ITPK1: variants seen among roughly 807,000 people sequenced by gnomAD.
ITPK1 encodes the protein inositol 1,3,4-trisphosphate 5/6-kinase.
In ITPK1, 21 loss-of-function variants were observed where a neutral mutation model predicts 45.3. That is an observed-to-expected ratio of 0.46 (90% CI 0.33 to 0.67). The LOEUF is 0.67. ITPK1 is among the 30% of genes least tolerant of loss of function. The pLI is 0.02. For missense variants in ITPK1, 474 were observed against 573.5 expected, an observed-to-expected ratio of 0.83 and a Z score of 1.77; for synonymous variants, 258 against 253.6, an observed-to-expected ratio of 1.02 and a Z score of -0.16.
chr14:92,989,261 C>T lies in ITPK1; in HGVS notation c.364+4619G>A, dbSNP rs566571968. ...AGAAGCATTCAATCTGCGGTATGCA[C>T]CCCCCATCCCCAGGGAGGCCTGGGA... On this transcript the variant is annotated intron_variant, in intron 5 of 10. Transcript: ENST00000267615. Among the ~76,000 whole-genome samples the T allele has an allele frequency of 4.8e-3, 735 of 152,232 alleles. 3 individuals carry two copies. Among genetic ancestry groups the T allele is most frequent in the Non-Finnish European group, 7.9e-3 (536 of 68,024 alleles).
intron 10 of ITPK1, 137 bp downstream of exon 10, chr14:92,946,194 C>T (rs1362957296): frequency 6.0e-6 from 6 of 992,476 alleles, no homozygotes; most frequent in African/African-American, 4.7e-5. Flanking sequence ...TGAGGCTTCT[C>T]GGGGCTGCAC....
chr14:92,953,575 A>G (rs1379446316), intron 8 of ITPK1, among the ~76,000 whole-genome samples: 1 of 152,216 alleles, frequency 6.6e-6, no homozygotes, highest in Non-Finnish European at 1.5e-5. Flanking sequence ...CCCTGAGCTC[A>G]GGGCACCTTC....
chr14:93,046,075 C>T (rs1171103863), intron 3 of ITPK1, among the ~76,000 whole-genome samples: 2 of 152,202 alleles, frequency 1.3e-5, no homozygotes, highest in Non-Finnish European at 2.9e-5. Flanking sequence ...ATCCCCACCC[C>T]ACGCTCTTTT....
intron 3 of ITPK1, among the ~76,000 whole-genome samples, chr14:93,049,535 C>T (rs951156541): frequency 3.9e-5 from 6 of 152,140 alleles, no homozygotes; most frequent in African/African-American, 1.4e-4. Context: ...CCTCATAAAC[C>T]ATTCTCCAGG....
intron 5 of ITPK1, among the ~76,000 whole-genome samples, chr14:92,986,610 C>T (rs1253902220): frequency 6.6e-6 from 1 of 152,116 alleles, no homozygotes; most frequent in Non-Finnish European, 1.5e-5. Context: ...TGGGGCAGGC[C>T]CACCTGGACC....
chr14:92,942,324 C>G (rs1240519411), intron 10 of ITPK1, among the ~76,000 whole-genome samples: 1 of 152,214 alleles, frequency 6.6e-6, no homozygotes, highest in East Asian at 1.9e-4. Flanking sequence ...ATAAATACTC[C>G]TGAGGCCCAG....
chr14:93,106,690 A>C (rs1039890275), intron 2 of ITPK1, among the ~76,000 whole-genome samples: 1 of 152,202 alleles, frequency 6.6e-6, no homozygotes, highest in Admixed American at 6.5e-5. Context: ...TTTCCAGTGC[A>C]TCTGAGAGCT....
chr14:93,008,605 G>A (rs566768947), intron 4 of ITPK1, among the ~76,000 whole-genome samples: 1 of 152,360 alleles, frequency 6.6e-6, no homozygotes, highest in African/African-American at 2.4e-5. Context: ...CCATCCCAGA[G>A]GGCCGAGGTC....
At chr14:93,092,270 G>C (rs1891895207) in intron 2 of ITPK1, among the ~76,000 whole-genome samples, 1 of 152,172 alleles carries the variant, frequency 6.6e-6, no homozygotes, top group African/African-American at 2.4e-5. Context: ...GCAAAATCGA[G>C]GCTCAGGGTC....
At chr14:92,990,905 A>G (rs375140611) in intron 5 of ITPK1, among the ~76,000 whole-genome samples, 7 of 152,016 alleles carry the variant, frequency 4.6e-5, no homozygotes, top group African/African-American at 1.7e-4. Flanking sequence ...CTGCTCATCA[A>G]TGAGGATCCT....
At chr14:92,994,363 C>T (rs375210718) in intron 4 of ITPK1, among the ~76,000 whole-genome samples, 1 of 152,062 alleles carries the variant, frequency 6.6e-6, no homozygotes, top group Non-Finnish European at 1.5e-5. Context: ...GAGGCAGGGG[C>T]GGGAGAGTGG....
intron 9 of ITPK1, among the ~76,000 whole-genome samples, chr14:92,947,582 A>G (rs1396109599): frequency 1.3e-5 from 2 of 152,248 alleles, no homozygotes; most frequent in Non-Finnish European, 2.9e-5. Flanking sequence ...TGTAAAAGGA[A>G]GCAACAGGCC....
chr14:92,967,543 C>T (rs981343336), intron 5 of ITPK1, among the ~76,000 whole-genome samples: 1 of 152,166 alleles, frequency 6.6e-6, no homozygotes, highest in Non-Finnish European at 1.5e-5. Context: ...ACCATATGAT[C>T]CAGCAATTCC....
chr14:93,074,043 C>G (rs1891122488), intron 3 of ITPK1, among the ~76,000 whole-genome samples: 1 of 152,320 alleles, frequency 6.6e-6, no homozygotes, highest in African/African-American at 2.4e-5. Context: ...CGCACAGAAG[C>G]CCAGCTGATT....
At chr14:93,041,589 C>T (rs1449190965) in intron 3 of ITPK1, among the ~76,000 whole-genome samples, 2 of 152,224 alleles carry the variant, frequency 1.3e-5, no homozygotes, top group African/African-American at 2.4e-5. Context: ...GAAAGTAGGC[C>T]CTGTGGCAGG....
At chr14:92,992,402 G>C (rs114304115) in intron 5 of ITPK1, among the ~76,000 whole-genome samples, 1 of 152,218 alleles carries the variant, frequency 6.6e-6, no homozygotes, top group East Asian at 1.9e-4. Flanking sequence ...CAGGAAGACA[G>C]TGCAAAGGGA....
chr14:93,090,846 G>A (rs933846664), intron 2 of ITPK1, among the ~76,000 whole-genome samples: 6 of 152,060 alleles, frequency 3.9e-5, no homozygotes, highest in African/African-American at 1.4e-4. Flanking sequence ...CTGCTTCAAT[G>A]TCCAAATCGA....
intron 3 of ITPK1, among the ~76,000 whole-genome samples, chr14:93,017,867 C>T (rs1478499219): frequency 6.6e-6 from 1 of 152,256 alleles, no homozygotes; most frequent in Non-Finnish European, 1.5e-5. Context: ...GCGTGCATTT[C>T]TTTCATTGTA....
chr14:93,042,417 G>C (rs1309088367), intron 3 of ITPK1, among the ~76,000 whole-genome samples: 3 of 152,182 alleles, frequency 2.0e-5, no homozygotes, highest in Non-Finnish European at 4.4e-5. Flanking sequence ...GCACATGTTT[G>C]GGTCACCAAA....
Sources: allele counts gnomAD v4.1 joint callset (sites outside exome capture counted in the v4.1 genomes callset), GRCh38; gene constraint gnomAD v4.1.1; transcripts MANE v1.5; gene names NCBI Gene and HGNC (gene_info 2026-07-23, HGNC 2026-07-21).